The following SUPT3H variants were observed in gnomAD, a reference collection of about 807,000 sequenced individuals.
The protein encoded by SUPT3H is transcription initiation protein SPT3 homolog.
SUPT3H carries 44 observed loss-of-function variants against 44.3 expected under a neutral mutation model. The ratio of observed to expected loss-of-function variants is 0.99; its 90% CI spans 0.78 to 1.28. The LOEUF (loss-of-function observed/expected upper bound fraction) is 1.28, where lower values mean the gene tolerates loss of function less well. Ranked by LOEUF, SUPT3H falls within the 50% of genes most tolerant of loss-of-function variation. The pLI, the probability that SUPT3H is intolerant of heterozygous loss-of-function variation, is 0.00. For synonymous variants in SUPT3H, 124 were observed against 125.6 expected (o/e 0.99, Z 0.09); for missense variants, 380 against 387.1 (o/e 0.98, Z 0.15).
intron 7 of SUPT3H, among the ~76,000 whole-genome samples, chr6:44,957,953 C>T (rs1015778127): frequency 3.3e-5 from 5 of 152,164 alleles, no homozygotes; most frequent in Non-Finnish European, 4.4e-5. Context: ...TAGAGCCTCA[C>T]CCTTCCAAGG....
intron 2 of SUPT3H, among the ~76,000 whole-genome samples, chr6:45,303,671 T>TAAAAAAAAAAAAAAAA (rs36119324): frequency 4.4e-5 from 5 of 113,016 alleles, no homozygotes; most frequent in Non-Finnish European, 9.2e-5. Flanking sequence ...ATTCTAGAAG[T>TAAAAAAAAAAAAAAAA]AAAAAAAAAA....
intron 3 of SUPT3H, among the ~76,000 whole-genome samples, chr6:45,021,861 G>T (rs992234998): frequency 6.6e-6 from 1 of 151,612 alleles, no homozygotes; most frequent in Non-Finnish European, 1.5e-5. Flanking sequence ...TACTGCGGTT[G>T]GTATATAAAC....
chr6:44,880,055 C>T (rs896977557), intron 10 of SUPT3H, among the ~76,000 whole-genome samples: 2 of 151,990 alleles, frequency 1.3e-5, no homozygotes, highest in Admixed American at 1.3e-4. Flanking sequence ...AGCAAGGGAA[C>T]AAAACTGGAT....
At chr6:45,284,706 T>C (rs1226741882) in intron 2 of SUPT3H, among the ~76,000 whole-genome samples, 4 of 151,982 alleles carry the variant, frequency 2.6e-5, no homozygotes, top group Non-Finnish European at 5.9e-5. Flanking sequence ...ACTATTCCAA[T>C]CAACAGAAAA....
chr6:45,032,767 C>T (rs1376983295), intron 3 of SUPT3H, among the ~76,000 whole-genome samples: 1 of 152,186 alleles, frequency 6.6e-6, no homozygotes, highest in Admixed American at 6.6e-5. Flanking sequence ...TTCCATTGTA[C>T]TGCCCAGGTC....
rs79840534 is a variant in SUPT3H, at chr6:44,863,495, C to T, written c.913-33638G>A. ...CTCTATAGTAAATGACAGAATAAGC[C>T]ATGTAGTATAATATATGACCAAAAA... On this transcript the variant is annotated intron_variant, in intron 10 of 10. Coordinates refer to ENST00000371459, the MANE Select transcript of SUPT3H (RefSeq NM_003599.4). Among the ~76,000 whole-genome samples, 1,174 of 152,082 alleles carry T rather than the reference C, an allele frequency of 7.7e-3. 15 individuals carry two copies. The highest frequency in any genetic ancestry group is 0.026 in the African/African-American group (1,074 of 41,456).
At chr6:45,114,678 A>G (rs1405961333) in intron 2 of SUPT3H, among the ~76,000 whole-genome samples, 2 of 152,174 alleles carry the variant, frequency 1.3e-5, no homozygotes, top group Non-Finnish European at 2.9e-5. Flanking sequence ...TTCCTCATAT[A>G]TCCTACATTT....
chr6:45,120,140 C>T (rs1801406272), intron 2 of SUPT3H, among the ~76,000 whole-genome samples: 2 of 151,758 alleles, frequency 1.3e-5, no homozygotes, highest in East Asian at 1.9e-4. Context: ...ATTCCAAATC[C>T]CATCAGTCTG....
Position 44,987,719 on chromosome 6 carries a change from C to T in SUPT3H, c.504+15934G>A, listed in dbSNP as rs145747637. Reference sequence around the variant, plus strand: ...TTGTTTAAGATGGGGGAAATTATAACATTTTTCTGTGCTGATAAAAATTAA... The same window carrying T: ...TTGTTTAAGATGGGGGAAATTATAATATTTTTCTGTGCTGATAAAAATTAA... On this transcript the variant is annotated intron_variant, in intron 6 of 10. Transcript: ENST00000371459. Among the ~76,000 whole-genome samples the T allele has an allele frequency of 1.1e-4, 16 of 152,164 alleles. No individual in the cohort carries two copies. In the East Asian group the frequency reaches 2.9e-3, roughly 28 times the overall value.
At chr6:44,921,096 T>A (rs1211868959) in intron 10 of SUPT3H, among the ~76,000 whole-genome samples, 1 of 152,218 alleles carries the variant, frequency 6.6e-6, no homozygotes, top group Non-Finnish European at 1.5e-5. Context: ...GATAACTGGT[T>A]TCTTATCTCC....
chr6:44,949,155 C>T (rs976292188), intron 9 of SUPT3H, among the ~76,000 whole-genome samples: 7 of 152,268 alleles, frequency 4.6e-5, no homozygotes, highest in African/African-American at 1.4e-4. Flanking sequence ...AAACCAAACA[C>T]CGCATGTTCT....
chr6:45,334,124 T>A lies in SUPT3H; in HGVS notation c.101+31077A>T, dbSNP rs527683636. On this transcript the variant is annotated intron_variant, in intron 2 of 10. Coordinates refer to ENST00000371459, the MANE Select transcript of SUPT3H (RefSeq NM_003599.4). ...TTCCTATTGCCAATTCTCTTAATTA[T>A]ACATTAGTTACATCAGATTAGTGAC... is the stretch of plus-strand genomic sequence containing the variant. Among the ~76,000 whole-genome samples the A allele has an allele frequency of 3.3e-4, 50 of 151,402 alleles. No individual in the cohort carries two copies. In the South Asian group the frequency reaches 3.9e-3, roughly 12 times the overall value.
At chr6:44,919,627 C>G (rs1768341898) in intron 10 of SUPT3H, among the ~76,000 whole-genome samples, 1 of 152,040 alleles carries the variant, frequency 6.6e-6, no homozygotes, top group South Asian at 2.1e-4. Context: ...TTCTAATTGT[C>G]TGTTCTATGC....
At chr6:45,329,000 AAAATT>A (rs1369516303) in intron 2 of SUPT3H, among the ~76,000 whole-genome samples, 2 of 152,020 alleles carry the variant, frequency 1.3e-5, no homozygotes, top group East Asian at 1.9e-4. Flanking sequence ...TGAAATATAC[AAAATT>A]AAATTATCTC....
chr6:45,131,838 G>T (rs1803512796), intron 2 of SUPT3H, among the ~76,000 whole-genome samples: 1 of 152,130 alleles, frequency 6.6e-6, no homozygotes, highest in African/African-American at 2.4e-5. Flanking sequence ...TATTCAGGCT[G>T]GTTGGAACAA....
At chr6:45,271,608 G>A (rs988298939) in intron 2 of SUPT3H, among the ~76,000 whole-genome samples, 4 of 152,178 alleles carry the variant, frequency 2.6e-5, no homozygotes, top group Admixed American at 6.5e-5. Context: ...GTAGGGGCAG[G>A]GCCCTCATGG....
At chr6:44,830,610 G>A (rs1581862601) in intron 10 of SUPT3H, among the ~76,000 whole-genome samples, 1 of 152,102 alleles carries the variant, frequency 6.6e-6, no homozygotes, top group Non-Finnish European at 1.5e-5. Flanking sequence ...ATCACACAGG[G>A]TCTCTGTAAC....
At chr6:44,924,480 A>C (rs1025528057) in intron 10 of SUPT3H, among the ~76,000 whole-genome samples, 2 of 152,116 alleles carry the variant, frequency 1.3e-5, no homozygotes, top group Non-Finnish European at 2.9e-5. Flanking sequence ...AATTTAGTTT[A>C]GGAAATGCTG....
intron 10 of SUPT3H, among the ~76,000 whole-genome samples, chr6:44,909,776 CA>C (rs1212848380): frequency 6.6e-6 from 1 of 152,062 alleles, no homozygotes; most frequent in Non-Finnish European, 1.5e-5. Context: ...CCCATTATAC[CA>C]AAGGCTGAGG....
Sources: gnomAD v4.1 joint callset for allele counts (sites outside exome capture counted in the v4.1 genomes callset) on GRCh38, gnomAD v4.1.1 for gene constraint, MANE v1.5 for transcripts, NCBI Gene and HGNC (gene_info 2026-07-23, HGNC 2026-07-21) for gene names.